The following SCFD1 variants were observed in gnomAD, a reference collection of about 807,000 sequenced individuals.
The protein encoded by SCFD1 is sec1 family domain-containing protein 1.
SCFD1 carries 37 observed loss-of-function variants against 103.2 expected under a neutral mutation model. That is an observed-to-expected ratio of 0.36 (90% CI 0.28 to 0.47). The LOEUF is 0.47. SCFD1 is among the 20% of genes least tolerant of loss of function. The pLI is 1.00. For missense variants in SCFD1, 639 were observed against 761.2 expected, an observed-to-expected ratio of 0.84 and a Z score of 1.89; for synonymous variants, 264 against 245.0, an observed-to-expected ratio of 1.08 and a Z score of -0.73.
At chr14:30,705,768 C>T in intron 17 of SCFD1, 55 bp from the exon 18 acceptor site, 5 of 1,317,678 alleles carry the variant, frequency 3.8e-6, no homozygotes, top group Non-Finnish European at 4.4e-6. Context: ...AATACCGTGA[C>T]ACCCAGAGTT....
At chr14:30,675,208 TA>T in intron 14 of SCFD1, 143 bp downstream of exon 14, 1 of 448,032 alleles carries the variant, frequency 2.2e-6, no homozygotes. Context: ...GTATTATAGT[TA>T]TTTTTTTGCA....
At chr14:30,655,128 G>A (rs1400224773) in intron 10 of SCFD1, among the ~76,000 whole-genome samples, 1 of 152,204 alleles carries the variant, frequency 6.6e-6, no homozygotes, top group Non-Finnish European at 1.5e-5. Context: ...TCAGAAGGTG[G>A]AAGATACCCT....
intron 20 of SCFD1, among the ~76,000 whole-genome samples, chr14:30,718,596 T>C (rs1892446367): frequency 6.6e-6 from 1 of 152,252 alleles, no homozygotes; most frequent in Admixed American, 6.5e-5. Flanking sequence ...ATTAGCAAAG[T>C]ATACTAAGTT....
chr14:30,707,984 A>C lies in SCFD1; in HGVS notation c.1554-6A>C, dbSNP rs1473996612. 1 of 1,606,348 alleles carries C rather than the reference A, an allele frequency of 6.2e-7. No homozygotes were observed. The highest frequency in any genetic ancestry group is 8.5e-7 in the Non-Finnish European group (1 of 1,173,104). The stretch of plus-strand genomic sequence containing the variant: ...AGAATGGTCCTTCTCTTTTGCCCCT[A>C]CCTAGTCTTTTATCACGAGTCATGA... On this transcript the variant is annotated splice_polypyrimidine_tract_variant and splice_region_variant and intron_variant, in intron 18 of 24. Transcript: ENST00000458591.
intron 15 of SCFD1, 86 bp from the exon 16 acceptor site, chr14:30,700,100 GCC>G (rs1566642155): frequency 2.3e-6 from 2 of 877,606 alleles, no homozygotes; most frequent in African/African-American, 3.4e-5. Flanking sequence ...ATTTATATAT[GCC>G]TTGAAATGTA....
intron 13 of SCFD1, among the ~76,000 whole-genome samples, chr14:30,674,374 A>G (rs1888832796): frequency 2.0e-5 from 3 of 152,160 alleles, no homozygotes; most frequent in South Asian, 2.1e-4. Flanking sequence ...TGGGCGCGGT[A>G]GCTCACGCCT....
intron 19 of SCFD1, among the ~76,000 whole-genome samples, chr14:30,709,351 G>A (rs1344783394): frequency 6.6e-6 from 1 of 152,016 alleles, no homozygotes. Context: ...AGGCTGGAGT[G>A]CAGTGATGCT....
In SCFD1 at chr14:30,678,786, C is replaced by T. The variant is rs547213310; in HGVS notation, c.1242+3721C>T. Reference sequence around the variant, plus strand: ...CCCACATCTGAATGCTCCAACCAACCGGATATAGCTGGTAAAAAATAAGCT... The same window carrying T: ...CCCACATCTGAATGCTCCAACCAACTGGATATAGCTGGTAAAAAATAAGCT... On this transcript the variant is annotated intron_variant, in intron 14 of 24. Transcript: ENST00000458591. 2.3e-4 allele frequency among the ~76,000 whole-genome samples: 35 copies of T among 152,270 alleles called. No individual in the cohort carries two copies. In the South Asian group the frequency reaches 3.9e-3, roughly 17 times the overall value.
At chr14:30,622,585 G>T in intron 1 of SCFD1, 186 bp downstream of exon 1, 4 of 1,017,808 alleles carry the variant, frequency 3.9e-6, no homozygotes, top group Non-Finnish European at 5.4e-6. Context: ...TTCCTCCTGT[G>T]GTGCAGGAGA....
At chr14:30,641,244 G>A (rs1052259427) in intron 6 of SCFD1, among the ~76,000 whole-genome samples, 1 of 152,054 alleles carries the variant, frequency 6.6e-6, no homozygotes, top group Non-Finnish European at 1.5e-5. Context: ...TTAATAGCGT[G>A]GTATTGATTT....
intron 24 of SCFD1, chr14:30,735,218 C>T (rs1391440926): frequency 3.5e-6 from 1 of 288,352 alleles, no homozygotes; most frequent in Non-Finnish European, 6.4e-6. Flanking sequence ...TCTTTTCCAT[C>T]AATTGAACGT....
chr14:30,633,219 CA>C (rs1192955593), intron 3 of SCFD1, among the ~76,000 whole-genome samples: 1 of 152,158 alleles, frequency 6.6e-6, no homozygotes, highest in East Asian at 1.9e-4. Flanking sequence ...TCACTGGCAG[CA>C]TGTGCCTCTT....
intron 15 of SCFD1, 118 bp downstream of exon 15, chr14:30,694,987 ATAAT>A: frequency 6.8e-7 from 1 of 1,468,084 alleles, no homozygotes; most frequent in Non-Finnish European, 9.0e-7. Flanking sequence ...TAATATCAAG[ATAAT>A]TAAATGAGCT....
chr14:30,678,999 C>G (rs1332290939), intron 14 of SCFD1, among the ~76,000 whole-genome samples: 5 of 152,166 alleles, frequency 3.3e-5, no homozygotes. Flanking sequence ...AGTGTTCCTT[C>G]TGAGGACTGA....
At chr14:30,704,099 G>A (rs1167549365) in intron 17 of SCFD1, among the ~76,000 whole-genome samples, 1 of 151,634 alleles carries the variant, frequency 6.6e-6, no homozygotes, top group Non-Finnish European at 1.5e-5. Context: ...AGAGGTCAGT[G>A]TGGAATTTTC....
intron 23 of SCFD1, among the ~76,000 whole-genome samples, chr14:30,724,704 T>A (rs1460224741): frequency 6.6e-6 from 1 of 152,206 alleles, no homozygotes; most frequent in Admixed American, 6.5e-5. Flanking sequence ...ATCCCATTTG[T>A]CAATTTTTGC....
chr14:30,714,292 T>G (rs1594752952), intron 19 of SCFD1, among the ~76,000 whole-genome samples: 1 of 150,698 alleles, frequency 6.6e-6, no homozygotes. Flanking sequence ...AAGCGGAGCT[T>G]GCAGTGAGCC....
intron 14 of SCFD1, among the ~76,000 whole-genome samples, chr14:30,682,192 A>G (rs535786779): frequency 6.6e-6 from 1 of 152,324 alleles, no homozygotes; most frequent in South Asian, 2.1e-4. Context: ...AACTAGTAAG[A>G]TTGATAATCT....
At position 30,684,822 on chromosome 14, in the gene SCFD1, T is replaced by A. The variant is rs1411700002; in HGVS notation, c.1242+9757T>A. On this transcript the variant is annotated intron_variant, in intron 14 of 24. Transcript: ENST00000458591. ...TTGTTTCTTTTTTTTTTTTTTTTTTTATTATACTCTAAGTTTTAGGGTACA... is the reference window on the plus strand; with the variant it reads ...TTGTTTCTTTTTTTTTTTTTTTTTTAATTATACTCTAAGTTTTAGGGTACA... 1.1e-4 allele frequency among the ~76,000 whole-genome samples: 15 copies of A among 138,624 alleles called. No individual in the cohort carries two copies. In the South Asian group the frequency reaches 2.3e-3, roughly 21 times the overall value. 90.9% of individuals were successfully genotyped at this position (138,624 alleles called of 152,430 possible).
Sources: allele counts gnomAD v4.1 joint callset (sites outside exome capture counted in the v4.1 genomes callset), GRCh38; gene constraint gnomAD v4.1.1; transcripts MANE v1.5; gene names NCBI Gene and HGNC (gene_info 2026-07-23, HGNC 2026-07-21).